Variants in RIOK3 observed in about 807,000 individuals in gnomAD.
RIOK3 encodes RIO kinase 3, also known as serine/threonine-protein kinase RIO3.
In RIOK3, 40 loss-of-function variants were observed where a neutral mutation model predicts 63.5. The observed-to-expected ratio is 0.63, with a 90% CI of 0.49 to 0.82. The LOEUF (loss-of-function observed/expected upper bound fraction) is 0.82, where lower values mean the gene tolerates loss of function less well. RIOK3 is among the 40% of genes least tolerant of loss of function. The pLI is 0.00. For synonymous variants in RIOK3, 193 were observed against 205.0 expected (o/e 0.94, Z 0.50); for missense variants, 557 against 637.0 (o/e 0.87, Z 1.35).
intron 12 of RIOK3, among the ~76,000 whole-genome samples, chr18:23,480,071 T>C (rs1421640655): frequency 6.6e-6 from 1 of 152,190 alleles, no homozygotes; most frequent in Non-Finnish European, 1.5e-5. Flanking sequence ...TTACTAAACA[T>C]AGAAAGTTAG....
At chr18:23,462,113 T>A (rs28742262) in intron 1 of RIOK3, among the ~76,000 whole-genome samples, 123 of 135,694 alleles carry the variant, frequency 9.1e-4, no homozygotes, top group African/African-American at 2.1e-3. Context: ...AAATAAAATT[T>A]AAAAAAAAAT....
intron 6 of RIOK3, 74 bp from the exon 7 acceptor site, chr18:23,467,325 A>G (rs77587013): frequency 3.5e-6 from 5 of 1,430,062 alleles, no homozygotes; most frequent in Admixed American, 4.0e-5. Context: ...AAAAAAAAAA[A>G]GTTATTAGAA....
At chr18:23,481,028 C>T (rs544565285) in intron 12 of RIOK3, 144 bp from the exon 13 acceptor site, 15 of 584,906 alleles carry the variant, frequency 2.6e-5, no homozygotes, top group African/African-American at 1.5e-4. Flanking sequence ...TGCAGTGAGC[C>T]GAGATTGCAC....
rs1465751944 is a variant in RIOK3 at position 23,464,533 on chromosome 18, A to G, written c.448A>G (p.Thr150Ala). Residue 150 changes from threonine (T) to alanine (A), a missense_variant, in exon 5 of 13, where the codon ACT becomes GCT. Thr to Ala is a moderately conservative substitution (Grantham distance 58, BLOSUM62 0). Transcript: ENST00000339486. Reference sequence around the variant, plus strand: ...ATTGCCTTTAGCAAAACCGGTTCCCACTCCTAAAAAGGGCTTTATTGGAAA... The same window carrying G: ...ATTGCCTTTAGCAAAACCGGTTCCCGCTCCTAAAAAGGGCTTTATTGGAAA... The part of the protein sequence containing the change: ...DPYRPAKPVP[T>A]PKKGFIGKGK... 6.2e-7 allele frequency: 1 copy of G among 1,600,512 alleles called. No individual in the cohort carries two copies. Among genetic ancestry groups the G allele is most frequent in the Non-Finnish European group, 8.5e-7 (1 of 1,175,646 alleles).
At chr18:23,467,571 T>G in intron 7 of RIOK3, 45 bp downstream of exon 7, 1 of 1,572,970 alleles carries the variant, frequency 6.4e-7, no homozygotes. Flanking sequence ...ACTTAGTCTC[T>G]TCTCCCCAAG....
At chr18:23,474,453 T>G (rs923009250) in intron 8 of RIOK3, among the ~76,000 whole-genome samples, 2 of 152,200 alleles carry the variant, frequency 1.3e-5, no homozygotes, top group Non-Finnish European at 2.9e-5. Flanking sequence ...TCCAGTCTCT[T>G]TTCTGTACTC....
rs1025560830 is a variant in RIOK3 at position 23,458,066 on chromosome 18, T to G, written c.63+4564T>G. Among the ~76,000 whole-genome samples, 41 of 151,098 alleles carry G rather than the reference T, an allele frequency of 2.7e-4. 1 individual carries two copies. The highest frequency in any genetic ancestry group is 8.3e-4 in the African/African-American group (34 of 41,146). On this transcript the variant is annotated intron_variant, in intron 1 of 12. Coordinates refer to ENST00000339486, the MANE Select transcript of RIOK3 (RefSeq NM_003831.5). ...GCATCACCACGCCTGGCTAGTTGTT[T>G]TTTTTTTTTTTGTATTTTAGTGGAA... is the stretch of plus-strand genomic sequence containing the variant.
Position 23,479,419 on chromosome 18 carries a change from G to A in RIOK3, c.1447G>A (p.Ala483Thr). The A allele has an allele frequency of 6.2e-7, 1 of 1,606,484 alleles. No individual in the cohort carries two copies. The highest frequency in any genetic ancestry group is 8.5e-7 in the Non-Finnish European group (1 of 1,173,158). ...ITADNEADFL[A>T]EIEALEKMNE... ...AGCAGATAATGAAGCTGATTTTTTA[G>A]CTGAGGTATGTGATAAACAGCTGTT... The change falls in exon 12 of 13, where the codon GCT becomes ACT. Residue 483 changes from alanine (A) to threonine (T), a missense_variant. Transcript: ENST00000339486.
chr18:23,467,325 A>AT, intron 6 of RIOK3, 74 bp from the exon 7 acceptor site: 1 of 1,430,172 alleles, frequency 7.0e-7, no homozygotes, highest in Non-Finnish European at 9.6e-7. Flanking sequence ...AAAAAAAAAA[A>AT]GTTATTAGAA....
chr18:23,481,256 C>T lies in RIOK3; in HGVS notation c.1537C>T (p.Pro513Ser), dbSNP rs2057532357. ...TTCATTTTTGAAAGATGATGGAGAC[C>T]CACCACTACTATATGATGAATAGCA... is the stretch of plus-strand genomic sequence containing the variant. ...AASFLKDDGD[P>S]PLLYDE Residue 513 changes from proline (P) to serine (S), a missense_variant, in exon 13 of 13, where the codon CCA becomes TCA. By Grantham distance (74) the Pro-to-Ser change is moderately conservative. This residue lies in a region of RIOK3 where 309 missense variants were observed against 338.7 expected (regional missense o/e 0.91). Transcript: ENST00000339486. 1 of 1,605,222 alleles carries T rather than the reference C, an allele frequency of 6.2e-7. No homozygotes were observed. Among genetic ancestry groups the T allele is most frequent in the Non-Finnish European group, 8.5e-7 (1 of 1,173,736 alleles).
Position 23,474,959 on chromosome 18 carries a change from C to G in RIOK3, c.1025C>G (p.Ala342Gly). 1 of 1,608,688 alleles carries G rather than the reference C, an allele frequency of 6.2e-7. No homozygotes were observed. The highest frequency in any genetic ancestry group is 1.1e-5 in the South Asian group (1 of 90,848). Residue 342 changes from alanine to glycine, a missense_variant, in exon 9 of 13, where the codon GCT becomes GGT. Around this residue, in one of 3 missense-constraint regions of RIOK3, gnomAD observed 309 missense variants for 338.7 expected, o/e 0.91. Coordinates refer to ENST00000339486, the MANE Select transcript of RIOK3 (RefSeq NM_003831.5). ...TTCTTTATGTATAGAATGCAGAGAG[C>G]TGGAATTCCTTGTCCAACAGTTGTA... The part of the protein sequence containing the change: ...EMHNLARMQR[A>G]GIPCPTVVLL...
At chr18:23,463,100 C>CT in intron 2 of RIOK3, 21 bp downstream of exon 2, 1 of 1,445,302 alleles carries the variant, frequency 6.9e-7, no homozygotes, top group East Asian at 2.3e-5. Context: ...TTCACAAATA[C>CT]TTTATCTAGC....
intron 1 of RIOK3, among the ~76,000 whole-genome samples, chr18:23,458,351 G>T (rs2057353995): frequency 6.6e-6 from 1 of 152,160 alleles, no homozygotes; most frequent in Admixed American, 6.5e-5. Context: ...GGCAGGTGGG[G>T]GAGAATGCGG....
chr18:23,468,460 G>A (rs958436712), intron 7 of RIOK3, among the ~76,000 whole-genome samples: 25 of 151,714 alleles, frequency 1.6e-4, no homozygotes, highest in African/African-American at 5.6e-4. Context: ...GCACCACCAC[G>A]CCTGGCTAAT....
At position 23,482,886 on chromosome 18, in the gene RIOK3, G is replaced by A. The variant is rs955585425; in HGVS notation, c.*1607G>A. ...TAGCTTTTAATTACATTTCAGAGAG[G>A]TGTAATTTTGGGTAGATGCTCATTA... On this transcript the variant is annotated 3_prime_UTR_variant, in exon 13 of 13. Coordinates refer to ENST00000339486, the MANE Select transcript of RIOK3 (RefSeq NM_003831.5). 1.3e-5 allele frequency: 2 copies of A among 152,154 alleles called. No individual in the cohort carries two copies. The highest frequency in any genetic ancestry group is 1.3e-4 in the Admixed American group (2 of 15,276). The allele number at this position is 152,154 out of a possible 1,614,324, so 9.4% of individuals were successfully genotyped here.
At chr18:23,456,947 A>G (rs1434728198) in intron 1 of RIOK3, among the ~76,000 whole-genome samples, 1 of 152,184 alleles carries the variant, frequency 6.6e-6, no homozygotes, top group African/African-American at 2.4e-5. Context: ...CTAAAAATGC[A>G]TTTATATCTT....
intron 2 of RIOK3, chr18:23,463,409 C>CTT (rs5823391): frequency 0.16 from 21,618 of 134,812 alleles, 2,534 homozygotes; most frequent in East Asian, 0.36. Flanking sequence ...TCCAGACTTT[C>CTT]TTTTTTTTTT....
chr18:23,478,171 CAG>C (rs1349159510), intron 11 of RIOK3, among the ~76,000 whole-genome samples: 2 of 151,794 alleles, frequency 1.3e-5, no homozygotes, highest in Non-Finnish European at 2.9e-5. Context: ...AGTGCTTAAA[CAG>C]AAGCTGGTGT....
chr18:23,465,271 T>A (rs1410079552), intron 5 of RIOK3, among the ~76,000 whole-genome samples: 1 of 152,084 alleles, frequency 6.6e-6, no homozygotes, highest in Non-Finnish European at 1.5e-5. Flanking sequence ...CTCGGGAGGC[T>A]GAGGCAGGAG....
Sources: allele counts gnomAD v4.1 joint callset (sites outside exome capture counted in the v4.1 genomes callset), GRCh38; gene constraint gnomAD v4.1.1; regional missense constraint gnomAD v4.1.1; transcripts MANE v1.5; gene names NCBI Gene and HGNC (gene_info 2026-07-23, HGNC 2026-07-21).